CCDC112: variants seen among roughly 807,000 people sequenced by gnomAD.
CCDC112 encodes the protein coiled-coil domain containing 112.
A neutral mutation model predicts 66.3 loss-of-function variants in CCDC112; 40 were observed. The ratio of observed to expected loss-of-function variants is 0.60; its 90% CI spans 0.47 to 0.79. The LOEUF (loss-of-function observed/expected upper bound fraction) is 0.79, where lower values mean the gene tolerates loss of function less well. Among genes scored for constraint, CCDC112 ranks in the 30% least tolerant of loss-of-function variants. CCDC112 has a pLI of 0.00. For missense variants in CCDC112, 659 were observed against 603.8 expected (o/e 1.09, Z -0.96); for synonymous variants, 214 against 197.2 (o/e 1.09, Z -0.71).
At position 115,296,457 on chromosome 5, in the gene CCDC112, G is replaced by A; in HGVS notation, c.87C>T (p.Thr29=). ...AVAGAGAATG[T]GVGATPAPQQ... ...GAGGCGCTGGCGTCGCTCCCACGCCGGTCCCGGTGGCCGCGCCCGCCCCTG... is the reference window on the plus strand; with the variant it reads ...GAGGCGCTGGCGTCGCTCCCACGCCAGTCCCGGTGGCCGCGCCCGCCCCTG... The change falls in exon 1 of 10, where the codon ACC becomes ACT. Residue 29 remains threonine, a synonymous_variant. Transcript: ENST00000379611. 8 of 1,563,012 alleles carry A rather than the reference G, an allele frequency of 5.1e-6. No homozygotes were observed. The highest frequency in any genetic ancestry group is 1.1e-5 in the South Asian group (1 of 87,264).
Position 115,267,869 on chromosome 5 carries a change from G to A in CCDC112, c.*7C>T. 1 of 1,608,204 alleles carries A rather than the reference G, an allele frequency of 6.2e-7. No individual in the cohort carries two copies. The highest frequency in any genetic ancestry group is 2.2e-5 in the East Asian group (1 of 44,702). On this transcript the variant is annotated 3_prime_UTR_variant, in exon 10 of 10. Coordinates refer to ENST00000379611, the MANE Select transcript of CCDC112 (RefSeq NM_001040440.3). ...ATTCTTATCAACTGAGTAGCAATTT[G>A]ATTATCTCATACTCTTCTCTGTATT...
intron 1 of CCDC112, among the ~76,000 whole-genome samples, chr5:115,295,101 C>T (rs1418527586): frequency 1.3e-5 from 2 of 152,122 alleles, no homozygotes; most frequent in East Asian, 3.9e-4. Flanking sequence ...CCCCCCTGCT[C>T]CCCACTCTGA....
intron 1 of CCDC112, chr5:115,295,803 G>A: frequency 1.4e-6 from 1 of 695,850 alleles, no homozygotes; most frequent in Non-Finnish European, 1.8e-6. Flanking sequence ...AAGTGCTATG[G>A]GGAAAAATAA....
intron 9 of CCDC112, among the ~76,000 whole-genome samples, chr5:115,268,630 T>C (rs1748862980): frequency 6.7e-6 from 1 of 148,310 alleles, no homozygotes; most frequent in African/African-American, 2.5e-5. Flanking sequence ...GGCAAATATA[T>C]ATATATATTT....
intron 3 of CCDC112, 28 bp downstream of exon 3, chr5:115,279,619 T>C (rs779720926): frequency 3.7e-6 from 6 of 1,606,292 alleles, no homozygotes; most frequent in Admixed American, 3.3e-5. Flanking sequence ...CGCTCAACAG[T>C]TTTTAGTTCA....
intron 1 of CCDC112, 61 bp downstream of exon 1, chr5:115,296,366 C>A: frequency 6.6e-7 from 1 of 1,511,134 alleles, no homozygotes. Flanking sequence ...GGCACCTGTT[C>A]AGCCAGGGCC....
chr5:115,296,298 G>C (rs2127082525), intron 1 of CCDC112, 129 bp downstream of exon 1: 1 of 1,337,448 alleles, frequency 7.5e-7, no homozygotes, highest in Middle Eastern at 2.8e-4. Flanking sequence ...AACGCCCAGC[G>C]CGTGCCAGGC....
intron 1 of CCDC112, among the ~76,000 whole-genome samples, chr5:115,286,455 G>A (rs1749678039): frequency 6.6e-6 from 1 of 152,228 alleles, no homozygotes; most frequent in Non-Finnish European, 1.5e-5. Flanking sequence ...GTCATTAGCT[G>A]ATGGACAATT....
chr5:115,288,045 A>G (rs1749757122), intron 1 of CCDC112, among the ~76,000 whole-genome samples: 2 of 150,134 alleles, frequency 1.3e-5, no homozygotes, highest in Admixed American at 6.7e-5. Context: ...CATTGGTACC[A>G]TATTGGCTCG....
At chr5:115,278,175 T>C (rs1419635630) in intron 3 of CCDC112, among the ~76,000 whole-genome samples, 1 of 152,170 alleles carries the variant, frequency 6.6e-6, no homozygotes, top group East Asian at 1.9e-4. Flanking sequence ...ATTAGGAAAG[T>C]GTTTTTTGTT....
intron 9 of CCDC112, 126 bp from the exon 10 acceptor site, chr5:115,268,044 A>T: frequency 1.4e-6 from 1 of 708,796 alleles, no homozygotes; most frequent in Admixed American, 2.7e-5. Flanking sequence ...TGGCTGGTTC[A>T]TATGGGCATG....
chr5:115,276,319 T>C (rs1003054162), intron 4 of CCDC112, among the ~76,000 whole-genome samples: 1 of 152,174 alleles, frequency 6.6e-6, no homozygotes, highest in Admixed American at 6.5e-5. Flanking sequence ...ATATATCAAG[T>C]AACTTGCCTA....
chr5:115,294,523 T>G (rs1750065748), intron 1 of CCDC112, among the ~76,000 whole-genome samples: 1 of 152,192 alleles, frequency 6.6e-6, no homozygotes, highest in Non-Finnish European at 1.5e-5. Context: ...TCTAGAACTG[T>G]GAGAAAATAA....
In CCDC112 at chr5:115,275,209, T is replaced by G; in HGVS notation, c.918+7A>C. On this transcript the variant is annotated splice_region_variant and intron_variant, in intron 6 of 9. Transcript: ENST00000379611. ...ACAGAATGAATAATAGCTATTATAA[T>G]TATTACCTCTTTTTTTCTTTCTTCT... 1 of 1,588,454 alleles carries G rather than the reference T, an allele frequency of 6.3e-7. No individual in the cohort carries two copies. Among genetic ancestry groups the G allele is most frequent in the Non-Finnish European group, 8.6e-7 (1 of 1,164,756 alleles).
intron 4 of CCDC112, 70 bp from the exon 5 acceptor site, chr5:115,276,139 A>G: frequency 9.4e-7 from 1 of 1,061,826 alleles, no homozygotes; most frequent in East Asian, 2.5e-5. Flanking sequence ...TATTAGGAAG[A>G]AAAAGTGGAA....
intron 2 of CCDC112, 140 bp from the exon 3 acceptor site, chr5:115,279,908 G>C: frequency 1.8e-6 from 1 of 559,634 alleles, no homozygotes; most frequent in Non-Finnish European, 3.0e-6. Flanking sequence ...TGGTTAATAA[G>C]GCTAAGGAAT....
rs968647886 is a variant in CCDC112 at position 115,295,371 on chromosome 5, C to A, written c.117+1056G>T. Among the ~76,000 whole-genome samples, 3 of 152,088 alleles carry A rather than the reference C, an allele frequency of 2.0e-5. No individual in the cohort carries two copies. The South Asian group carries it at 6.2e-4, about 31-fold the overall frequency. ...GAGCATAGTACTTAAAAATACTTTA[C>A]GTATTATGTATATTTATATATTTTA... On this transcript the variant is annotated intron_variant, in intron 1 of 9. Coordinates refer to ENST00000379611, the MANE Select transcript of CCDC112 (RefSeq NM_001040440.3).
intron 9 of CCDC112, 135 bp from the exon 10 acceptor site, chr5:115,268,053 T>C: frequency 1.5e-6 from 1 of 665,566 alleles, no homozygotes; most frequent in Non-Finnish European, 2.6e-6. Flanking sequence ...CATATGGGCA[T>C]GTAGGTTTGC....
chr5:115,290,197 G>GT (rs1749862244), intron 1 of CCDC112, among the ~76,000 whole-genome samples: 1 of 152,192 alleles, frequency 6.6e-6, no homozygotes, highest in Admixed American at 6.5e-5. Context: ...TTCAGCTTCT[G>GT]TAGGTGGTTA....
Sources: gnomAD v4.1 joint callset for allele counts (sites outside exome capture counted in the v4.1 genomes callset) on GRCh38, gnomAD v4.1.1 for gene constraint, MANE v1.5 for transcripts, NCBI Gene and HGNC (gene_info 2026-07-23, HGNC 2026-07-21) for gene names.